Variants in KIF26B observed in about 807,000 individuals in gnomAD.
The protein encoded by KIF26B is kinesin family member 26B.
In KIF26B, 63 loss-of-function variants were observed where a neutral mutation model predicts 151.2. The ratio of observed to expected loss-of-function variants is 0.42; its 90% CI spans 0.34 to 0.51. The LOEUF is 0.51. Ranked by LOEUF, KIF26B falls within the 20% of genes least tolerant of loss-of-function variation. The pLI is 0.07. For missense variants in KIF26B, 2,813 were observed against 2,913.6 expected (o/e 0.97, Z 0.79); for synonymous variants, 1,357 against 1,262.1 (o/e 1.08, Z -1.59).
chr1:245,527,829 G>T (rs1294865272), intron 4 of KIF26B, among the ~76,000 whole-genome samples: 9 of 151,978 alleles, frequency 5.9e-5, no homozygotes, highest in Non-Finnish European at 1.3e-4. Context: ...CACCGCGCCC[G>T]GCCCGGGATG....
intron 5 of KIF26B, among the ~76,000 whole-genome samples, chr1:245,548,982 T>G (rs1056018148): frequency 1.2e-4 from 19 of 152,194 alleles, no homozygotes; most frequent in Admixed American, 1.0e-3. Flanking sequence ...CGTCAGGTGA[T>G]CCACCCGCCT....
At chr1:245,310,354 G>A (rs1392530098) in intron 2 of KIF26B, among the ~76,000 whole-genome samples, 2 of 151,802 alleles carry the variant, frequency 1.3e-5, no homozygotes, top group African/African-American at 4.8e-5. Context: ...GTGGTGGGAG[G>A]GTTTTGTTTT....
At chr1:245,412,418 C>T (rs1474012089) in intron 3 of KIF26B, among the ~76,000 whole-genome samples, 7 of 152,174 alleles carry the variant, frequency 4.6e-5, no homozygotes, top group Admixed American at 1.3e-4. Context: ...ACACAGGAAA[C>T]GGATACTGTT....
chr1:245,252,892 T>C (rs2103565909), intron 2 of KIF26B, among the ~76,000 whole-genome samples: 1 of 152,288 alleles, frequency 6.6e-6, no homozygotes. Flanking sequence ...ACACATGCTT[T>C]ATCAAGGTCA....
rs1332489064 is a variant in KIF26B, at chr1:245,167,231, A to T, written c.465+10548A>T. On this transcript the variant is annotated intron_variant, in intron 2 of 14. Transcript: ENST00000407071. This position sits in a 1 kb window ranked among gnomAD's most constrained non-coding sequence, Gnocchi z 4.2. ...GCATGAGCTGCAAATAATAAATTAA[A>T]ATCCGCTTTTCTATCACAGGGGTGA... is the stretch of plus-strand genomic sequence containing the variant. Among the ~76,000 whole-genome samples the T allele has an allele frequency of 6.6e-6, 1 of 152,144 alleles. No homozygotes were observed. The highest frequency in any genetic ancestry group is 1.5e-5 in the Non-Finnish European group (1 of 68,036).
intron 2 of KIF26B, among the ~76,000 whole-genome samples, chr1:245,293,769 G>T (rs1671293464): frequency 6.6e-6 from 1 of 152,036 alleles, no homozygotes; most frequent in Non-Finnish European, 1.5e-5. Context: ...GTAGACATGG[G>T]GTTTCTCCAT....
Position 245,504,346 on chromosome 1 carries a change from C to G in KIF26B, c.1167-36421C>G, listed in dbSNP as rs1205959744. The stretch of plus-strand genomic sequence containing the variant: ...CCCTTCCTTCCTTCCCTCCTTCCCT[C>G]CCTCCCTCCCTTCCTCTCTTTCTCC... On this transcript the variant is annotated intron_variant, in intron 4 of 14. Coordinates refer to ENST00000407071, the MANE Select transcript of KIF26B (RefSeq NM_018012.4). Among the ~76,000 whole-genome samples the G allele has an allele frequency of 4.9e-5, 7 of 143,314 alleles. No homozygotes were observed. The East Asian group carries it at 6.6e-4, about 14-fold the overall frequency. 94.0% of individuals were successfully genotyped at this position (143,314 alleles called of 152,430 possible). A position where few individuals can be genotyped will look rare whatever the true frequency, so the allele number is the denominator to read the frequency against.
intron 9 of KIF26B, among the ~76,000 whole-genome samples, chr1:245,642,883 G>A (rs1330864124): frequency 6.6e-6 from 1 of 152,190 alleles, no homozygotes; most frequent in East Asian, 1.9e-4. Flanking sequence ...GGAGAGCCCA[G>A]TCTTGTATCA....
chr1:245,489,395 G>A (rs1202360677), intron 4 of KIF26B, among the ~76,000 whole-genome samples: 1 of 152,116 alleles, frequency 6.6e-6, no homozygotes, highest in Non-Finnish European at 1.5e-5. Flanking sequence ...CCTATAGCTC[G>A]TTTTCTTTTA....
chr1:245,290,578 T>C (rs1252214969), intron 2 of KIF26B, among the ~76,000 whole-genome samples: 1 of 152,216 alleles, frequency 6.6e-6, no homozygotes, highest in Admixed American at 6.5e-5. Context: ...AGTGTAGCAG[T>C]GAGGACGACC....
intron 2 of KIF26B, among the ~76,000 whole-genome samples, chr1:245,171,601 G>A (rs181985416): frequency 6.6e-6 from 1 of 152,244 alleles, no homozygotes; most frequent in South Asian, 2.1e-4. Context: ...TGAAATAAAG[G>A]CCATTAGTTT....
intron 2 of KIF26B, among the ~76,000 whole-genome samples, chr1:245,297,407 GA>G (rs1228067543): frequency 6.6e-6 from 1 of 152,182 alleles, no homozygotes; most frequent in Admixed American, 6.5e-5. Flanking sequence ...GAAATTCAGA[GA>G]GGCCAGGTGA....
rs1463653795 is a variant in KIF26B, at chr1:245,564,614, G to A, written c.1350+23664G>A. On this transcript the variant is annotated intron_variant, in intron 5 of 14. Coordinates refer to ENST00000407071, the MANE Select transcript of KIF26B (RefSeq NM_018012.4). The surrounding 1 kb of genome is among the most constrained non-coding windows in gnomAD (Gnocchi z 4.6). The stretch of plus-strand genomic sequence containing the variant: ...TTTCACTGAAATCCAAACTCAAGGT[G>A]TATACATGTCACCTCCCAGCACAGC... 6.6e-6 allele frequency among the ~76,000 whole-genome samples: 1 copy of A among 152,144 alleles called. No homozygotes were observed. The highest frequency in any genetic ancestry group is 2.4e-5 in the African/African-American group (1 of 41,448).
chr1:245,578,155 A>G (rs2043143792), intron 5 of KIF26B, among the ~76,000 whole-genome samples: 1 of 152,234 alleles, frequency 6.6e-6, no homozygotes, highest in African/African-American at 2.4e-5. Context: ...ACTAGACGAT[A>G]TGGTTTAGAA....
intron 2 of KIF26B, among the ~76,000 whole-genome samples, chr1:245,246,962 C>G (rs570787805): frequency 4.1e-4 from 62 of 149,948 alleles, no homozygotes; most frequent in African/African-American, 1.4e-3. Flanking sequence ...CACACACACA[C>G]AGACACAGAC....
chr1:245,615,763 G>T (rs1247018102), intron 9 of KIF26B, among the ~76,000 whole-genome samples: 1 of 152,190 alleles, frequency 6.6e-6, no homozygotes, highest in African/African-American at 2.4e-5. Context: ...GCAGACCTGG[G>T]GGACATCTCT....
intron 10 of KIF26B, among the ~76,000 whole-genome samples, chr1:245,673,044 C>G (rs1202064125): frequency 6.6e-6 from 1 of 151,028 alleles, no homozygotes; most frequent in Non-Finnish European, 1.5e-5. Context: ...ATCTTAGGCC[C>G]AGTCCCCACT....
intron 4 of KIF26B, among the ~76,000 whole-genome samples, chr1:245,506,211 C>G (rs1660726256): frequency 6.6e-6 from 1 of 152,124 alleles, no homozygotes; most frequent in South Asian, 2.1e-4. Flanking sequence ...TCTTATGTCC[C>G]CTCAGTTAGC....
intron 2 of KIF26B, among the ~76,000 whole-genome samples, chr1:245,294,016 C>A (rs950778203): frequency 6.6e-6 from 1 of 152,170 alleles, no homozygotes; most frequent in Non-Finnish European, 1.5e-5. Context: ...TGGGCAGAAT[C>A]CGGGTGAGAA....
Sources: gnomAD v4.1 joint callset for allele counts (sites outside exome capture counted in the v4.1 genomes callset) on GRCh38, gnomAD v4.1.1 for gene constraint, Gnocchi (gnomAD v3.1) non-coding constraint, MANE v1.5 for transcripts, NCBI Gene and HGNC (gene_info 2026-07-23, HGNC 2026-07-21) for gene names.